The following C5orf46 variants were observed in gnomAD, a reference collection of about 807,000 sequenced individuals.
C5orf46 encodes uncharacterized protein C5orf46.
A neutral mutation model predicts 8.9 loss-of-function variants in C5orf46; 9 were observed. The ratio of observed to expected loss-of-function variants is 1.01; its 90% confidence interval spans 0.61 to 1.76. The LOEUF is 1.76. C5orf46 is among the 40% of genes most tolerant of loss of function. The probability of loss-of-function intolerance (pLI) is 0.00; values close to 1 mark genes in which losing one functional copy is unlikely to be tolerated. For missense variants in C5orf46, 98 were observed against 107.8 expected (o/e 0.91, Z 0.40); for synonymous variants, 47 against 41.4 (o/e 1.14, Z -0.52).
Position 147,892,781 on chromosome 5 carries a change from G to A in C5orf46, c.*168C>T, listed in dbSNP as rs970590263. On this transcript the variant is annotated 3_prime_UTR_variant, in exon 4 of 4. Transcript: ENST00000318315. ...TTCTAAAAGCAAAAATGCAGTCAGG[G>A]TGTTCAAAATGAGTTCTGTTTGGTT... 13 of 152,176 alleles carry A rather than the reference G, an allele frequency of 8.5e-5. No individual in the cohort carries two copies. The highest frequency in any genetic ancestry group is 3.1e-4 in the African/African-American group (13 of 41,446). 9.4% of individuals were successfully genotyped at this position (152,176 alleles called of 1,614,324 possible).
chr5:147,898,871 C>G (rs1406374230), intron 2 of C5orf46, among the ~76,000 whole-genome samples: 1 of 151,946 alleles, frequency 6.6e-6, no homozygotes, highest in Non-Finnish European at 1.5e-5. Context: ...CCAAGCTGAT[C>G]CAAAAGCAAG....
chr5:147,901,684 T>G lies in C5orf46; in HGVS notation c.160A>C (p.Thr54Pro), dbSNP rs1285272476. The change falls in exon 2 of 4, where the codon ACA becomes CCA. Residue 54 changes from threonine to proline, a missense_variant. Thr to Pro is a conservative substitution (Grantham distance 38). Coordinates refer to ENST00000318315, the MANE Select transcript of C5orf46 (RefSeq NM_206966.3). ...DFPKFLSLLG[T>P]EIIENAVEFI... Reference sequence around the variant, plus strand: ...TCGACTGCATTCTCAATGATCTCTGTGCCCAGGAGGCTTAGGAATTTGGGG... The same window carrying G: ...TCGACTGCATTCTCAATGATCTCTGGGCCCAGGAGGCTTAGGAATTTGGGG... 1.9e-6 allele frequency: 3 copies of G among 1,614,096 alleles called. No individual in the cohort carries two copies.
downstream of C5orf46, among the ~76,000 whole-genome samples, chr5:147,890,242 TGA>T (rs1308783529): frequency 6.6e-6 from 1 of 152,122 alleles, no homozygotes; most frequent in East Asian, 1.9e-4. Context: ...GCAAAAATCA[TGA>T]GATATTCAAC....
At chr5:147,890,153 G>A (rs17703748), downstream of C5orf46, among the ~76,000 whole-genome samples, 10,374 of 152,232 alleles carry the variant, frequency 0.068, 644 homozygotes, top group Admixed American at 0.21. Flanking sequence ...CCGTGCCTCT[G>A]TTATGCTGCA....
intron 2 of C5orf46, among the ~76,000 whole-genome samples, chr5:147,897,356 A>C (rs1460151169): frequency 1.3e-5 from 2 of 152,230 alleles, no homozygotes; most frequent in Non-Finnish European, 2.9e-5. Flanking sequence ...GGCAAATAGT[A>C]GAAATTAATA....
At chr5:147,901,849 G>T in intron 1 of C5orf46, 76 bp from the exon 2 acceptor site, 2 of 1,504,110 alleles carry the variant, frequency 1.3e-6, no homozygotes, top group Non-Finnish European at 1.8e-6. Flanking sequence ...GGGAACGCTT[G>T]GGATTCTTTC....
chr5:147,895,289 A>C (rs1757564123), intron 3 of C5orf46, among the ~76,000 whole-genome samples: 1 of 152,066 alleles, frequency 6.6e-6, no homozygotes, highest in South Asian at 2.1e-4. Flanking sequence ...GAATACAAAA[A>C]TTAGTCTCTC....
Position 147,904,180 on chromosome 5 carries a change from G to A in C5orf46, c.70+2252C>T, listed in dbSNP as rs556619627. Reference sequence around the variant, plus strand: ...GAAGGATTGGTTTGTTTTTATTGTGGGAAGGAGGCGGAAGCGGAACTCATG... The same window carrying A: ...GAAGGATTGGTTTGTTTTTATTGTGAGAAGGAGGCGGAAGCGGAACTCATG... On this transcript the variant is annotated intron_variant, in intron 1 of 3. Transcript: ENST00000318315. Among the ~76,000 whole-genome samples the A allele has an allele frequency of 2.0e-3, 302 of 152,300 alleles. 2 individuals are homozygous for A. Among genetic ancestry groups the A allele is most frequent in the African/African-American group, 3.1e-3 (129 of 41,576 alleles).
At chr5:147,901,919 G>A in intron 1 of C5orf46, 146 bp from the exon 2 acceptor site, 1 of 809,020 alleles carries the variant, frequency 1.2e-6, no homozygotes, top group Non-Finnish European at 1.9e-6. Context: ...TTTAATGCCT[G>A]TCTGGATAAA....
chr5:147,892,451 A>T (rs532366711), downstream of C5orf46, among the ~76,000 whole-genome samples: 82 of 152,264 alleles, frequency 5.4e-4, 1 homozygote, highest in Admixed American at 5.3e-3. Context: ...GATGTGTAAA[A>T]CTTTTAACTC....
At chr5:147,903,576 A>G (rs73263256) in intron 1 of C5orf46, among the ~76,000 whole-genome samples, 2,002 of 152,316 alleles carry the variant, frequency 0.013, 45 homozygotes, top group African/African-American at 0.046. Context: ...AACTATTAGT[A>G]AAAAAGATTG....
downstream of C5orf46, among the ~76,000 whole-genome samples, chr5:147,889,628 C>T (rs1400050396): frequency 2.0e-5 from 3 of 152,104 alleles, no homozygotes; most frequent in Non-Finnish European, 2.9e-5. Context: ...ATGTCCTGCA[C>T]ATGTATCCCA....
chr5:147,903,509 G>A (rs1021801616), intron 1 of C5orf46, among the ~76,000 whole-genome samples: 4 of 152,124 alleles, frequency 2.6e-5, no homozygotes, highest in Non-Finnish European at 5.9e-5. Context: ...TACCTTTTGT[G>A]TGGAGGCTGC....
At chr5:147,891,203 C>T (rs1198793077), downstream of C5orf46, among the ~76,000 whole-genome samples, 1 of 152,098 alleles carries the variant, frequency 6.6e-6, no homozygotes. Flanking sequence ...GAAAACAATA[C>T]CTCCCTAATT....
chr5:147,905,367 G>C (rs1277731118), intron 1 of C5orf46, among the ~76,000 whole-genome samples: 1 of 152,228 alleles, frequency 6.6e-6, no homozygotes, highest in Non-Finnish European at 1.5e-5. Flanking sequence ...GATTTAACCA[G>C]TTTCAGAGTT....
intron 3 of C5orf46, among the ~76,000 whole-genome samples, chr5:147,894,638 C>T (rs2127125903): frequency 6.6e-6 from 1 of 151,928 alleles, no homozygotes; most frequent in Non-Finnish European, 1.5e-5. Flanking sequence ...ATGAGATACA[C>T]AGAGCTATGT....
At chr5:147,901,909 T>C (rs1176491357) in intron 1 of C5orf46, 136 bp from the exon 2 acceptor site, 3 of 852,546 alleles carry the variant, frequency 3.5e-6, no homozygotes, top group Non-Finnish European at 5.3e-6. Context: ...TCATCGAACA[T>C]TTAATGCCTG....
At chr5:147,896,119 T>C (rs895640948) in intron 3 of C5orf46, among the ~76,000 whole-genome samples, 9 of 152,192 alleles carry the variant, frequency 5.9e-5, no homozygotes, top group Non-Finnish European at 1.2e-4. Flanking sequence ...TGACTTAGAT[T>C]ACTTAGCTTA....
At chr5:147,891,262 A>C (rs1757499617), downstream of C5orf46, among the ~76,000 whole-genome samples, 1 of 152,194 alleles carries the variant, frequency 6.6e-6, no homozygotes, top group Admixed American at 6.6e-5. Context: ...TGATACTGGG[A>C]AAGAGTCCCA....
Sources: allele counts gnomAD v4.1 joint callset (sites outside exome capture counted in the v4.1 genomes callset), GRCh38; gene constraint gnomAD v4.1.1; transcripts MANE v1.5; gene names NCBI Gene and HGNC (gene_info 2026-07-23, HGNC 2026-07-21).